Variants in AP1S1 observed in about 807,000 individuals in gnomAD.
AP1S1 encodes the protein adaptor related protein complex 1 subunit sigma 1.
AP1S1 carries 13 observed loss-of-function variants against 23.9 expected under a neutral mutation model. That is an observed-to-expected ratio of 0.54 (90% confidence interval 0.35 to 0.86). The LOEUF is 0.86. Ranked by LOEUF, AP1S1 falls within the 40% of genes least tolerant of loss-of-function variation. The pLI, the probability that AP1S1 is intolerant of heterozygous loss-of-function variation, is 0.01. For missense variants in AP1S1, 119 were observed against 197.6 expected, an observed-to-expected ratio of 0.60 and a Z score of 2.38; for synonymous variants, 84 against 77.7, an observed-to-expected ratio of 1.08 and a Z score of -0.43.
At chr7:101,157,048 T>C (rs1295963371) in intron 2 of AP1S1, among the ~76,000 whole-genome samples, 2 of 151,908 alleles carry the variant, frequency 1.3e-5, no homozygotes, top group African/African-American at 2.4e-5. Context: ...TCCCTTGCAG[T>C]CAAAGGTCCT....
intron 2 of AP1S1, 138 bp downstream of exon 2, chr7:101,156,910 CCT>C: frequency 3.4e-6 from 2 of 586,080 alleles, no homozygotes; most frequent in South Asian, 5.3e-5. Context: ...ATGTCAGCTT[CCT>C]TTTTTTTTTT....
At chr7:101,156,461 TC>T in intron 1 of AP1S1, 132 bp from the exon 2 acceptor site, 1 of 1,070,306 alleles carries the variant, frequency 9.3e-7, no homozygotes, top group South Asian at 1.7e-5. Context: ...AGCTCTGACT[TC>T]CCCCTGCTGG....
intron 2 of AP1S1, 48 bp downstream of exon 2, chr7:101,156,820 T>C (rs952335222): frequency 3.5e-6 from 5 of 1,429,704 alleles, no homozygotes; most frequent in Non-Finnish European, 3.7e-6. Flanking sequence ...AGTTGGGCAG[T>C]GGGTTAAAAT....
rs928806710 is a variant in AP1S1, at chr7:101,155,167, C to G, written c.3+650C>G. The G allele has an allele frequency of 2.1e-5, 8 of 376,174 alleles. No homozygotes were observed. The East Asian group carries it at 4.9e-4, about 23-fold the overall frequency. 23.3% of individuals were successfully genotyped at this position (376,174 alleles called of 1,614,324 possible). On this transcript the variant is annotated intron_variant, in intron 1 of 4. Coordinates refer to ENST00000337619, the MANE Select transcript of AP1S1 (RefSeq NM_001283.5). ...CGTCTTCCTGCTTGCTCCCCACCCC[C>G]CTATTTGAGCGCCGCACGAGGCTCC...
chr7:101,160,100 A>T (rs1047327972), intron 4 of AP1S1, among the ~76,000 whole-genome samples: 2 of 151,456 alleles, frequency 1.3e-5, no homozygotes, highest in Non-Finnish European at 2.9e-5. Context: ...TCCCTCAGGG[A>T]CCTGGCACTC....
chr7:101,159,493 G>C (rs1216592229), intron 4 of AP1S1: 1 of 415,572 alleles, frequency 2.4e-6, no homozygotes, highest in African/African-American at 2.1e-5. Context: ...CTCTGAGCAA[G>C]GCTTAACACC....
At chr7:101,154,559 G>T in intron 1 of AP1S1, 42 bp downstream of exon 1, 2 of 1,552,862 alleles carry the variant, frequency 1.3e-6, no homozygotes, top group Non-Finnish European at 8.7e-7. Flanking sequence ...AGCGAGGGGC[G>T]TGGGCTGCAC....
At chr7:101,155,164 C>G in intron 1 of AP1S1, 1 of 415,112 alleles carries the variant, frequency 2.4e-6, no homozygotes, top group South Asian at 9.9e-5. Flanking sequence ...TGCTCCCCAC[C>G]CCCCTATTTG....
intron 4 of AP1S1, among the ~76,000 whole-genome samples, chr7:101,159,981 G>GGT (rs1197661019): frequency 4.1e-5 from 4 of 97,392 alleles, no homozygotes; most frequent in East Asian, 4.8e-4. Context: ...CACACACCCT[G>GGT]GCGCGCACAC....
At chr7:101,157,324 G>A in intron 2 of AP1S1, 53 bp from the exon 3 acceptor site, 1 of 1,434,360 alleles carries the variant, frequency 7.0e-7, no homozygotes, top group South Asian at 1.2e-5. Context: ...AGACCAGAAT[G>A]CCTGGGTCCT....
intron 3 of AP1S1, among the ~76,000 whole-genome samples, chr7:101,158,777 C>T (rs957794616): frequency 1.3e-5 from 2 of 152,162 alleles, no homozygotes; most frequent in African/African-American, 4.8e-5. Flanking sequence ...ATAGCATGCA[C>T]CTGTAGTCCC....
chr7:101,157,484 G>T lies in AP1S1; in HGVS notation c.290G>T (p.Ser97Ile). Reference sequence around the variant, plus strand: ...GAGCTCTTAGACAAATACTTTGGCAGTGTAAGTCTCCTCTGCCCACCAGTT... The same window carrying T: ...GAGCTCTTAGACAAATACTTTGGCATTGTAAGTCTCCTCTGCCCACCAGTT... Reference protein sequence around the residue: ...YVELLDKYFGSVCELDIIFNF... With the variant: ...YVELLDKYFGIVCELDIIFNF... The change falls in exon 3 of 5, where the codon AGT becomes ATT. Residue 97 changes from serine to isoleucine, a missense_variant and splice_region_variant. By Grantham distance (142) the Ser-to-Ile change is moderately radical. Coordinates refer to ENST00000337619, the MANE Select transcript of AP1S1 (RefSeq NM_001283.5). 6.4e-7 allele frequency: 1 copy of T among 1,554,114 alleles called. No homozygotes were observed. The highest frequency in any genetic ancestry group is 1.2e-5 in the South Asian group (1 of 84,160).
chr7:101,158,735 C>G (rs898058005), intron 3 of AP1S1, among the ~76,000 whole-genome samples: 1 of 152,048 alleles, frequency 6.6e-6, no homozygotes, highest in Non-Finnish European at 1.5e-5. Context: ...GACCCTATCT[C>G]TACAAAATAT....
rs539433524 is a variant in AP1S1 at position 101,157,291 on chromosome 7, C to T, written c.183-86C>T. 3.5e-6 allele frequency: 4 copies of T among 1,146,966 alleles called. No individual in the cohort carries two copies. In the African/African-American group the frequency reaches 4.6e-5, roughly 13 times the overall value. 71.0% of individuals were successfully genotyped at this position (1,146,966 alleles called of 1,614,324 possible). A position where few individuals can be genotyped will look rare whatever the true frequency, so the allele number is the denominator to read the frequency against. On this transcript the variant is annotated intron_variant, in intron 2 of 4. Coordinates refer to ENST00000337619, the MANE Select transcript of AP1S1 (RefSeq NM_001283.5). ...CTGTGGCCAGCCAGGGCACAGACCA[C>T]CTCCAGGCTGGTGAGAGGTTTGAGA...
intron 1 of AP1S1, among the ~76,000 whole-genome samples, chr7:101,156,234 AAAT>A (rs1009452571): frequency 7.2e-5 from 11 of 152,150 alleles, no homozygotes; most frequent in East Asian, 1.9e-4. Context: ...TCTGTCTCAA[AAAT>A]AATAATAATA....
In AP1S1 at chr7:101,159,181, T is replaced by C. The variant is rs372661458; in HGVS notation, c.414T>C (p.Ala138=). 2.7e-5 allele frequency: 43 copies of C among 1,612,426 alleles called. No individual in the cohort carries two copies. Among genetic ancestry groups the C allele is most frequent in the Non-Finnish European group, 3.3e-5 (39 of 1,179,360 alleles). Residue 138 remains alanine, a synonymous_variant, in exon 4 of 5, where the codon GCT becomes GCC. Transcript: ENST00000337619. ...GTGTGCTGAAAGCCATCGAGCAGGC[T>C]GACCTACTGCAAGAGGTACGGGCCA... ...KKSVLKAIEQ[A]DLLQEEDESP...
At chr7:101,159,293 C>T in intron 4 of AP1S1, 97 bp downstream of exon 4, 1 of 1,502,560 alleles carries the variant, frequency 6.7e-7, no homozygotes, top group East Asian at 2.5e-5. Flanking sequence ...CCACCGTCGC[C>T]AAGGAGCCCC....
At chr7:101,156,335 T>C in intron 1 of AP1S1, 1 of 417,950 alleles carries the variant, frequency 2.4e-6, no homozygotes, top group Admixed American at 3.8e-5. Flanking sequence ...GCAAGGCAGG[T>C]ACAATGTCCA....
chr7:101,160,881 T>G lies in AP1S1; in HGVS notation c.*315T>G. 1.8e-6 allele frequency: 1 copy of G among 553,066 alleles called. No homozygotes were observed. Among genetic ancestry groups the G allele is most frequent in the Non-Finnish European group, 3.4e-6 (1 of 292,054 alleles). 34.3% of individuals were successfully genotyped at this position (553,066 alleles called of 1,614,324 possible). A position where few individuals can be genotyped will look rare whatever the true frequency, so the allele number is the denominator to read the frequency against. On this transcript the variant is annotated 3_prime_UTR_variant, in exon 5 of 5. Coordinates refer to ENST00000337619, the MANE Select transcript of AP1S1 (RefSeq NM_001283.5). ...ACCCCAGATGTCCTTCCCTCCCTAA[T>G]AACTGTAAATATATAAATATGTCAG...
Sources: allele counts gnomAD v4.1 joint callset (sites outside exome capture counted in the v4.1 genomes callset), GRCh38; gene constraint gnomAD v4.1.1; transcripts MANE v1.5; gene names NCBI Gene and HGNC (gene_info 2026-07-23, HGNC 2026-07-21).